EPS8L2: variants seen among roughly 807,000 people sequenced by gnomAD.
EPS8L2 encodes the protein EPS8 signaling adaptor L2, also known as epidermal growth factor receptor kinase substrate 8-like protein 2.
Under a neutral mutation model 99.4 loss-of-function variants are expected in EPS8L2, and 81 were observed. The ratio of observed to expected loss-of-function variants is 0.82; its 90% CI spans 0.68 to 0.98. EPS8L2 has a LOEUF of 0.98. Ranked by LOEUF, EPS8L2 falls within the 50% of genes least tolerant of loss-of-function variation. EPS8L2 has a pLI of 0.00. For missense variants in EPS8L2, 1,155 were observed against 968.8 expected, an observed-to-expected ratio of 1.19 and a Z score of -2.55; for synonymous variants, 509 against 407.3, an observed-to-expected ratio of 1.25 and a Z score of -3.01.
chr11:725,531 A>C (rs1445543511), intron 16 of EPS8L2, among the ~76,000 whole-genome samples, 197 bp from the exon 17 acceptor site: 1 of 152,148 alleles, frequency 6.6e-6, no homozygotes, highest in African/African-American at 2.4e-5. Flanking sequence ...AGGGTCCCCC[A>C]GACTCCTTGA....
intron 3 of EPS8L2, chr11:710,127 C>A (rs910853642): frequency 1.2e-5 from 5 of 432,648 alleles, no homozygotes; most frequent in South Asian, 2.6e-5. Flanking sequence ...CCTTCCTGTC[C>A]CCTCACCCTC....
At chr11:718,632 G>A (rs958633983) in intron 4 of EPS8L2, among the ~76,000 whole-genome samples, 2 of 148,714 alleles carry the variant, frequency 1.3e-5, no homozygotes, top group Non-Finnish European at 3.0e-5. Flanking sequence ...TGACAGGTGT[G>A]TACCACCACA....
At chr11:715,078 TAAAAATACA>T (rs1369939422) in intron 4 of EPS8L2, among the ~76,000 whole-genome samples, 1 of 152,044 alleles carries the variant, frequency 6.6e-6, no homozygotes, top group Non-Finnish European at 1.5e-5. Flanking sequence ...CCGTCTCTAC[TAAAAATACA>T]AAAAATTAGC....
intron 1 of EPS8L2, among the ~76,000 whole-genome samples, chr11:707,319 G>A (rs1016598644): frequency 3.9e-5 from 6 of 152,186 alleles, no homozygotes; most frequent in African/African-American, 1.4e-4. Context: ...AGGGCCTGAG[G>A]GGCCTCCCCA....
rs760086673 is a variant in EPS8L2, at chr11:721,621, G to C, written c.825G>C (p.Lys275Asn). The stretch of plus-strand genomic sequence containing the variant: ...AGTGGTTTGTGGCCCGGCTGCAGAA[G>C]GCAGCCGAGGCTTTCAAGCAGCTGA... ...DIEWFVARLQ[K>N]AAEAFKQLNQ... Residue 275 changes from lysine (K) to asparagine (N), a missense_variant, in exon 10 of 21, where the codon AAG (lysine) becomes AAC (asparagine). Lys to Asn is a moderately conservative substitution (Grantham distance 94). Transcript: ENST00000318562. 4 of 1,573,210 alleles carry C rather than the reference G, an allele frequency of 2.5e-6. No homozygotes were observed. Among genetic ancestry groups the C allele is most frequent in the Non-Finnish European group, 8.6e-7 (1 of 1,165,242 alleles).
chr11:723,546 C>T (rs1023969616), intron 15 of EPS8L2, among the ~76,000 whole-genome samples, 193 bp downstream of exon 15: 1 of 152,234 alleles, frequency 6.6e-6, no homozygotes, highest in Admixed American at 6.5e-5. Context: ...TTTCAAAAGT[C>T]ATGCACAAAT....
intron 7 of EPS8L2, 34 bp downstream of exon 7, chr11:720,943 CGGGGAGGGGAGGAGCCCGGCAGGGGA>C (rs1862142743): frequency 2.0e-6 from 1 of 494,872 alleles, no homozygotes; most frequent in Non-Finnish European, 2.9e-6. Flanking sequence ...TCGCAGGGGG[CGGGGAGGGGAGGAGCCCGGCAGGGGA>C]GGGGAGGAGC....
intron 11 of EPS8L2, 35 bp downstream of exon 11, chr11:722,026 T>G (rs201390747): frequency 1.2e-6 from 2 of 1,605,676 alleles, no homozygotes. Context: ...CCCCACTGTC[T>G]GTGCTGAGGG....
At chr11:713,142 C>T (rs1052597223) in intron 4 of EPS8L2, among the ~76,000 whole-genome samples, 1 of 152,252 alleles carries the variant, frequency 6.6e-6, no homozygotes, top group African/African-American at 2.4e-5. Context: ...GAAGTCTCTC[C>T]AGCCAGGTGG....
At chr11:718,643 CCTGG>C (rs1862077334) in intron 4 of EPS8L2, among the ~76,000 whole-genome samples, 1 of 150,860 alleles carries the variant, frequency 6.6e-6, no homozygotes, top group African/African-American at 2.4e-5. Flanking sequence ...TACCACCACA[CCTGG>C]CTAATTTTTT....
intron 15 of EPS8L2, 61 bp downstream of exon 15, chr11:723,414 A>G: frequency 1.1e-5 from 8 of 726,360 alleles, no homozygotes; most frequent in Non-Finnish European, 1.8e-5. Flanking sequence ...TACAGTCTCT[A>G]AAAACATATG....
chr11:710,161 A>G (rs1590046288), intron 3 of EPS8L2: 1 of 476,460 alleles, frequency 2.1e-6, no homozygotes, highest in Non-Finnish European at 3.8e-6. Context: ...CCCCGGGCAC[A>G]GGCTGCTGGT....
chr11:715,068 C>T (rs971120211), intron 4 of EPS8L2, among the ~76,000 whole-genome samples: 9 of 152,038 alleles, frequency 5.9e-5, no homozygotes, highest in South Asian at 2.1e-4. Context: ...TGGTGAAACC[C>T]CGTCTCTACT....
intron 3 of EPS8L2, chr11:710,109 T>C (rs1453295995): frequency 2.5e-6 from 1 of 397,602 alleles, no homozygotes; most frequent in East Asian, 5.2e-5. Context: ...GAAGCCGGGC[T>C]GGGACCCCCT....
In EPS8L2 at chr11:725,812, G is replaced by C; in HGVS notation, c.1645G>C (p.Ala549Pro). The change falls in exon 17 of 21, where the codon GCG becomes CCG. Residue 549 changes from alanine to proline, a missense_variant. Ala to Pro is a conservative substitution (Grantham distance 27, BLOSUM62 -1). Coordinates refer to ENST00000318562, the MANE Select transcript of EPS8L2 (RefSeq NM_022772.4). ...GYVPCNILGE[A>P]RPEDAGAPFE... is the part of the protein sequence containing the mutation. ...CGTGCCCTGCAACATCCTAGGCGAG[G>C]CGCGACCGGAGGACGCCGGCGCCCC... 7.2e-6 allele frequency: 10 copies of C among 1,388,490 alleles called. No individual in the cohort carries two copies. Among genetic ancestry groups the C allele is most frequent in the Non-Finnish European group, 9.3e-6 (10 of 1,076,418 alleles). 86.0% of individuals were successfully genotyped at this position (1,388,490 alleles called of 1,614,324 possible).
Position 727,131 on chromosome 11 carries a change from G to A in EPS8L2, c.*150G>A, listed in dbSNP as rs577431278. Reference sequence around the variant, plus strand: ...CCCTGCCCCTGTCTGGAGGCACAACGCCCATCCTTAGGCCAAACAGTACCC... The same window carrying A: ...CCCTGCCCCTGTCTGGAGGCACAACACCCATCCTTAGGCCAAACAGTACCC... On this transcript the variant is annotated 3_prime_UTR_variant, in exon 21 of 21. Coordinates refer to ENST00000318562, the MANE Select transcript of EPS8L2 (RefSeq NM_022772.4). The A allele has an allele frequency of 4.4e-5, 28 of 629,926 alleles. 1 individual carries two copies. In the South Asian group the frequency reaches 5.4e-4, roughly 12 times the overall value. 39.0% of individuals were successfully genotyped at this position (629,926 alleles called of 1,614,324 possible).
At position 724,165 on chromosome 11, in the gene EPS8L2, G is replaced by A. The variant is rs1056135878; in HGVS notation, c.1455-559G>A. 6.6e-6 allele frequency among the ~76,000 whole-genome samples: 1 copy of A among 152,138 alleles called. No individual in the cohort carries two copies. Among genetic ancestry groups the A allele is most frequent in the East Asian group, 1.9e-4 (1 of 5,198 alleles). ...CAGGGCCACACTGACCAGGATGGACGGCCTGGCCAGGTGACAGCCACAGGC... is the reference window on the plus strand; with the variant it reads ...CAGGGCCACACTGACCAGGATGGACAGCCTGGCCAGGTGACAGCCACAGGC... On this transcript the variant is annotated intron_variant, in intron 15 of 20. Transcript: ENST00000318562. The surrounding 1 kb of genome is among the most constrained non-coding windows in gnomAD (Gnocchi z 5.5).
chr11:727,087 T>A lies in EPS8L2; in HGVS notation c.*106T>A. 1.2e-6 allele frequency: 1 copy of A among 835,540 alleles called. No individual in the cohort carries two copies. Among genetic ancestry groups the A allele is most frequent in the Non-Finnish European group, 1.9e-6 (1 of 522,216 alleles). 51.8% of individuals were successfully genotyped at this position (835,540 alleles called of 1,614,324 possible). A position where few individuals can be genotyped will look rare whatever the true frequency, so the allele number is the denominator to read the frequency against. Reference sequence around the variant, plus strand: ...TTTTGTATCAAGGACACGGAGGGGGTGTGGTGCTGGCTAGAGGTCCCTGCC... The same window carrying A: ...TTTTGTATCAAGGACACGGAGGGGGAGTGGTGCTGGCTAGAGGTCCCTGCC... On this transcript the variant is annotated 3_prime_UTR_variant, in exon 21 of 21. Transcript: ENST00000318562.
At position 720,076 on chromosome 11, in the gene EPS8L2, C is replaced by T; in HGVS notation, c.180C>T (p.Phe60=). The T allele has an allele frequency of 1.2e-6, 2 of 1,612,628 alleles. No individual in the cohort carries two copies. Among genetic ancestry groups the T allele is most frequent in the South Asian group, 1.1e-5 (1 of 90,984 alleles). ...CCCACCCCCAGCACCTGGCCACATTCATCATGGACAAGAGCGAAGCCATCA... is the reference window on the plus strand; with the variant it reads ...CCCACCCCCAGCACCTGGCCACATTTATCATGGACAAGAGCGAAGCCATCA... The part of the protein sequence containing the change: ...SQYHVQHLAT[F]IMDKSEAITS... The change falls in exon 5 of 21, where the codon TTC becomes TTT. Residue 60 remains phenylalanine (F), a synonymous_variant. Transcript: ENST00000318562.
Sources: gnomAD v4.1 joint callset for allele counts (sites outside exome capture counted in the v4.1 genomes callset) on GRCh38, gnomAD v4.1.1 for gene constraint, Gnocchi (gnomAD v3.1) non-coding constraint, MANE v1.5 for transcripts, NCBI Gene and HGNC (gene_info 2026-07-23, HGNC 2026-07-21) for gene names.